The following TMEM114 variants were observed in gnomAD, a reference collection of about 807,000 sequenced individuals.
TMEM114 encodes claudin-26.
TMEM114 carries 6 observed loss-of-function variants against 6.2 expected under a neutral mutation model. The observed-to-expected ratio is 0.97, with a 90% CI of 0.53 to 1.91. The LOEUF is 1.91. TMEM114 is among the 40% of genes most tolerant of loss of function. The pLI, the probability that TMEM114 is intolerant of heterozygous loss-of-function variation, is 0.01. For missense variants in TMEM114, 218 were observed against 158.3 expected (o/e 1.38, Z -2.02); for synonymous variants, 104 against 73.0 (o/e 1.42, Z -2.16).
At chr16:8,548,602 C>T (rs1026844452) in intron 2 of TMEM114, among the ~76,000 whole-genome samples, 1 of 151,746 alleles carries the variant, frequency 6.6e-6, no homozygotes, top group African/African-American at 2.4e-5. Flanking sequence ...CTTTTTCACC[C>T]CCTAAGAGCA....
intron 2 of TMEM114, among the ~76,000 whole-genome samples, chr16:8,552,321 C>A (rs1424285708): frequency 6.6e-6 from 1 of 151,902 alleles, no homozygotes; most frequent in East Asian, 1.9e-4. Flanking sequence ...GAGGTTGAGG[C>A]TGTAGTGAGC....
chr16:8,585,424 A>G (rs1226478966), intron 2 of TMEM114, among the ~76,000 whole-genome samples: 1 of 151,978 alleles, frequency 6.6e-6, no homozygotes, highest in Non-Finnish European at 1.5e-5. Context: ...AGGAAAAATC[A>G]AGGTTTCTTC....
intron 2 of TMEM114, among the ~76,000 whole-genome samples, chr16:8,544,813 C>T (rs868576193): frequency 6.6e-6 from 1 of 152,182 alleles, no homozygotes; most frequent in African/African-American, 2.4e-5. Flanking sequence ...AATTTACAGA[C>T]ATTTGAAAAA....
At chr16:8,563,325 A>ATGAGTGAGTGAGTGAG (rs1567202881) in intron 2 of TMEM114, among the ~76,000 whole-genome samples, 1 of 115,784 alleles carries the variant, frequency 8.6e-6, no homozygotes, top group Non-Finnish European at 1.8e-5. Context: ...GAGGGAGGGT[A>ATGAGTGAGTGAGTGAG]TGAGTGAGTG....
At chr16:8,544,360 T>C (rs1900598635) in intron 2 of TMEM114, among the ~76,000 whole-genome samples, 4 of 152,180 alleles carry the variant, frequency 2.6e-5, no homozygotes, top group Admixed American at 2.6e-4. Flanking sequence ...CCTGTGCATA[T>C]AGAGAAGAAA....
chr16:8,542,904 A>T (rs1900556642), intron 2 of TMEM114, among the ~76,000 whole-genome samples: 1 of 152,180 alleles, frequency 6.6e-6, no homozygotes, highest in Admixed American at 6.5e-5. Flanking sequence ...ATGGAGATTA[A>T]TCACAGAATA....
chr16:8,533,424 G>T (rs369971620), downstream of TMEM114, among the ~76,000 whole-genome samples: 1 of 152,210 alleles, frequency 6.6e-6, no homozygotes, highest in Non-Finnish European at 1.5e-5. Context: ...CAAGGCCTGT[G>T]TGGATGGAGT....
intron 2 of TMEM114, among the ~76,000 whole-genome samples, chr16:8,552,638 G>A (rs533683734): frequency 1.7e-4 from 26 of 151,986 alleles, no homozygotes; most frequent in Non-Finnish European, 3.1e-4. Flanking sequence ...ATAAGTGAAG[G>A]GTTCAAGGTA....
intron 2 of TMEM114, among the ~76,000 whole-genome samples, chr16:8,573,685 T>C (rs1033001646): frequency 6.6e-6 from 1 of 152,150 alleles, no homozygotes; most frequent in African/African-American, 2.4e-5. Flanking sequence ...TGAAAATAAA[T>C]ACTTTCCTAT....
At chr16:8,566,598 A>G (rs1448913456), downstream of TMEM114, among the ~76,000 whole-genome samples, 1 of 152,132 alleles carries the variant, frequency 6.6e-6, no homozygotes, top group Non-Finnish European at 1.5e-5. Context: ...AACCCCACTT[A>G]ATCATCAGCA....
intron 2 of TMEM114, among the ~76,000 whole-genome samples, chr16:8,556,749 C>A (rs556937800): frequency 6.6e-6 from 1 of 152,144 alleles, no homozygotes; most frequent in Non-Finnish European, 1.5e-5. Flanking sequence ...GGGATCCACC[C>A]GCCTCAGCCT....
the TMEM114 span, among the ~76,000 whole-genome samples, chr16:8,530,677 A>G: frequency 3.3e-5 from 5 of 151,948 alleles, no homozygotes; most frequent in African/African-American, 1.2e-4. Flanking sequence ...GTAGTTAACC[A>G]ATAGAGGAGG....
At chr16:8,555,305 G>C (rs751424342) in intron 2 of TMEM114, among the ~76,000 whole-genome samples, 9 of 152,226 alleles carry the variant, frequency 5.9e-5, no homozygotes, top group Non-Finnish European at 1.0e-4. Context: ...AGGTGGCAGG[G>C]TTGCAGCTCC....
intron 2 of TMEM114, 123 bp downstream of exon 2, chr16:8,589,090 C>G: frequency 2.5e-6 from 1 of 394,856 alleles, no homozygotes; most frequent in Non-Finnish European, 4.5e-6. Context: ...TCAGGCTGGG[C>G]TGTCAGAGGC....
chr16:8,584,916 C>T (rs1902267979), intron 2 of TMEM114, among the ~76,000 whole-genome samples: 1 of 126,670 alleles, frequency 7.9e-6, no homozygotes, highest in Non-Finnish European at 1.7e-5. Context: ...GAGTGAAACG[C>T]CGTCTCAAAA....
chr16:8,560,210 C>G (rs1901155587), intron 2 of TMEM114, among the ~76,000 whole-genome samples: 1 of 151,606 alleles, frequency 6.6e-6, no homozygotes, highest in East Asian at 1.9e-4. Flanking sequence ...GTTGCTTAGG[C>G]TGGGCTCAAA....
downstream of TMEM114, chr16:8,569,454 G>A (rs532535101): frequency 6.8e-6 from 8 of 1,176,662 alleles, no homozygotes; most frequent in African/African-American, 1.3e-4. Flanking sequence ...AGGAGGAAAT[G>A]AAGTCGGAGG....
intron 2 of TMEM114, among the ~76,000 whole-genome samples, chr16:8,552,201 C>G (rs4553612): frequency 0.42 from 62,931 of 150,280 alleles, 13,535 homozygotes; most frequent in East Asian, 0.53. Flanking sequence ...ACAGCAAGAC[C>G]CTATCTCTGC....
chr16:8,567,535 G>T (rs1263256117), downstream of TMEM114, among the ~76,000 whole-genome samples: 2 of 152,184 alleles, frequency 1.3e-5, no homozygotes, highest in African/African-American at 4.8e-5. Context: ...CAAGGTGGAC[G>T]TGTGGGACCA....
Sources: gnomAD v4.1 joint callset for allele counts (sites outside exome capture counted in the v4.1 genomes callset) on GRCh38, gnomAD v4.1.1 for gene constraint, MANE v1.5 for transcripts, NCBI Gene and HGNC (gene_info 2026-07-23, HGNC 2026-07-21) for gene names.